The following RSF1 variants were observed in gnomAD, a reference collection of about 807,000 sequenced individuals.
The protein encoded by RSF1 is remodeling and spacing factor 1, also known as HBV pX-associated protein 8.
RSF1 carries 13 observed loss-of-function variants against 145.2 expected under a neutral mutation model. The ratio of observed to expected loss-of-function variants is 0.09; its 90% confidence interval spans 0.06 to 0.14. The LOEUF (loss-of-function observed/expected upper bound fraction) is 0.14. Among genes scored for constraint, RSF1 ranks in the 10% least tolerant of loss-of-function variants. The pLI, the probability that RSF1 is intolerant of heterozygous loss-of-function variation, is 1.00. For synonymous variants in RSF1, 577 were observed against 592.6 expected, an observed-to-expected ratio of 0.97 and a Z score of 0.38; for missense variants, 1,517 against 1,718.2, an observed-to-expected ratio of 0.88 and a Z score of 2.07.
intron 15 of RSF1, among the ~76,000 whole-genome samples, chr11:77,668,145 G>T (rs968702251): frequency 7.9e-5 from 12 of 152,066 alleles, no homozygotes; most frequent in African/African-American, 2.2e-4. Context: ...TTACAGGTGT[G>T]TGTGCCGCCA....
chr11:77,778,229 G>GAGC (rs1186320438), intron 1 of RSF1, among the ~76,000 whole-genome samples: 1 of 66,988 alleles, frequency 1.5e-5, no homozygotes, highest in African/African-American at 5.8e-5. Context: ...GGAGGGGGTG[G>GAGC]GGGAGGGAAG....
chr11:77,776,371 C>T (rs985093394), intron 1 of RSF1, among the ~76,000 whole-genome samples: 2 of 152,034 alleles, frequency 1.3e-5, no homozygotes, highest in African/African-American at 4.8e-5. Flanking sequence ...GTAAGAACTC[C>T]ATTTCTTTGT....
chr11:77,861,057 C>G, the RSF1 span, among the ~76,000 whole-genome samples: 1 of 152,016 alleles, frequency 6.6e-6, no homozygotes, highest in Non-Finnish European at 1.5e-5. Context: ...GCCTTTGGTA[C>G]GGAAAGGAGG....
rs79226380 is a variant in RSF1 at position 77,811,259 on chromosome 11, A to G, written c.187+9269T>C. ...CTATCACAGACTAGGCTTTAACTTC[A>G]AAGTTTTAGAGCAGAACATGGTCCT... is the stretch of plus-strand genomic sequence containing the variant. On this transcript the variant is annotated intron_variant, in intron 1 of 15. Coordinates refer to ENST00000308488, the MANE Select transcript of RSF1 (RefSeq NM_016578.4). Among the ~76,000 whole-genome samples the G allele has an allele frequency of 3.7e-4, 56 of 152,348 alleles. No individual in the cohort carries two copies. The East Asian group carries it at 0.011, about 29-fold the overall frequency.
At chr11:77,842,531 G>A in the RSF1 span, 19 of 1,613,804 alleles carry the variant, frequency 1.2e-5, no homozygotes, top group Non-Finnish European at 6.8e-6. Flanking sequence ...TTATCATGGG[G>A]GCAAATGAAA....
At chr11:77,831,788 C>G in the RSF1 span, 1 of 151,674 alleles carries the variant, frequency 6.6e-6, no homozygotes, top group Non-Finnish European at 1.5e-5. Context: ...CTCTGCCTCC[C>G]AGTTTCAAGT....
At position 77,742,754 on chromosome 11, in the gene RSF1, G is replaced by A. The variant is rs148094817; in HGVS notation, c.373-1818C>T. 1.5e-3 allele frequency among the ~76,000 whole-genome samples: 233 copies of A among 152,232 alleles called. 1 individual carries two copies. The highest frequency in any genetic ancestry group is 5.3e-3 in the African/African-American group (218 of 41,512). Reference sequence around the variant, plus strand: ...ATATTATCTGTTGGCCATTTCCTACGTCTTTTTCTGAGAAATGTCTACTGA... The same window carrying A: ...ATATTATCTGTTGGCCATTTCCTACATCTTTTTCTGAGAAATGTCTACTGA... On this transcript the variant is annotated intron_variant, in intron 3 of 15. Transcript: ENST00000308488.
At chr11:77,830,484 C>G in the RSF1 span, among the ~76,000 whole-genome samples, 2 of 126,442 alleles carry the variant, frequency 1.6e-5, no homozygotes, top group African/African-American at 5.9e-5. Context: ...ACCCACCCCC[C>G]ACCCACCTCC....
chr11:77,750,918 A>G (rs1948056178), intron 2 of RSF1, among the ~76,000 whole-genome samples: 1 of 152,156 alleles, frequency 6.6e-6, no homozygotes, highest in Admixed American at 6.5e-5. Flanking sequence ...CCTGAGGGAC[A>G]ACCATTCTCC....
chr11:77,827,743 TA>T, the RSF1 span, among the ~76,000 whole-genome samples: 1 of 152,112 alleles, frequency 6.6e-6, no homozygotes, highest in African/African-American at 2.4e-5. Context: ...CACTTACATT[TA>T]ATATTATACT....
intron 6 of RSF1, among the ~76,000 whole-genome samples, chr11:77,699,384 G>A (rs867225959): frequency 4.0e-5 from 6 of 148,314 alleles, no homozygotes; most frequent in African/African-American, 1.5e-4. Context: ...ACTATAGGTC[G>A]TCAGCAAAGA....
At chr11:77,685,295 T>C (rs535286878) in intron 9 of RSF1, 136 bp from the exon 10 acceptor site, 1 of 407,680 alleles carries the variant, frequency 2.5e-6, no homozygotes, top group Admixed American at 4.6e-5. Context: ...ATGTTAGCTA[T>C]TATTTATTTA....
chr11:77,673,926 T>G (rs982058238), intron 14 of RSF1, among the ~76,000 whole-genome samples: 38 of 152,156 alleles, frequency 2.5e-4, no homozygotes, highest in African/African-American at 8.9e-4. Flanking sequence ...TCCAGATTAA[T>G]GGAGACTAAA....
chr11:77,770,258 C>T (rs190217088), intron 1 of RSF1, among the ~76,000 whole-genome samples: 9 of 152,102 alleles, frequency 5.9e-5, no homozygotes, highest in South Asian at 2.1e-4. Context: ...GTCAGGAGAT[C>T]GAGACCACCC....
intron 1 of RSF1, among the ~76,000 whole-genome samples, chr11:77,779,005 T>C (rs991252187): frequency 6.6e-6 from 1 of 151,840 alleles, no homozygotes; most frequent in Non-Finnish European, 1.5e-5. Context: ...AGTGCAGTGG[T>C]ACTATCTCAG....
chr11:77,751,567 CAACA>C (rs1053772985), intron 2 of RSF1, among the ~76,000 whole-genome samples: 26 of 152,300 alleles, frequency 1.7e-4, no homozygotes, highest in African/African-American at 6.3e-4. Context: ...GAAATATAAC[CAACA>C]GACAGGGCCT....
intron 2 of RSF1, among the ~76,000 whole-genome samples, chr11:77,758,709 C>T (rs1458618173): frequency 2.0e-5 from 3 of 152,160 alleles, no homozygotes; most frequent in Non-Finnish European, 4.4e-5. Flanking sequence ...TGAACTTCTT[C>T]TCATATGCTT....
rs566739016 is a variant in RSF1 at position 77,805,142 on chromosome 11, A to G, written c.187+15386T>C. Among the ~76,000 whole-genome samples, 16 of 152,328 alleles carry G rather than the reference A, an allele frequency of 1.1e-4. No individual in the cohort carries two copies. In the South Asian group the frequency reaches 3.1e-3, roughly 30 times the overall value. On this transcript the variant is annotated intron_variant, in intron 1 of 15. Coordinates refer to ENST00000308488, the MANE Select transcript of RSF1 (RefSeq NM_016578.4). ...TACCTAGCAGAAAAAAGCAATCTCT[A>G]AAATTACAACAACCTTTTTTTTGCA... is the stretch of plus-strand genomic sequence containing the variant.
chr11:77,715,370 G>A (rs1254609385), intron 5 of RSF1, among the ~76,000 whole-genome samples: 1 of 152,012 alleles, frequency 6.6e-6, no homozygotes, highest in Non-Finnish European at 1.5e-5. Context: ...AACTATTTTA[G>A]ATATCATAAT....
Sources: gnomAD v4.1 joint callset for allele counts (sites outside exome capture counted in the v4.1 genomes callset) on GRCh38, gnomAD v4.1.1 for gene constraint, MANE v1.5 for transcripts, NCBI Gene and HGNC (gene_info 2026-07-23, HGNC 2026-07-21) for gene names.